Variants in LRIF1 observed in about 807,000 individuals in gnomAD.
The protein encoded by LRIF1 is ligand-dependent nuclear receptor-interacting factor 1.
LRIF1 carries 32 observed loss-of-function variants against 52.7 expected under a neutral mutation model. That is an observed-to-expected ratio of 0.61 (90% confidence interval 0.46 to 0.82). The LOEUF (loss-of-function observed/expected upper bound fraction) is 0.82, where lower values mean the gene tolerates loss of function less well. LRIF1 is among the 40% of genes least tolerant of loss of function. The probability of loss-of-function intolerance (pLI) is 0.00; values close to 1 mark genes in which losing one functional copy is unlikely to be tolerated. For missense variants in LRIF1, 887 were observed against 892.0 expected (o/e 0.99, Z 0.07); for synonymous variants, 323 against 317.4 (o/e 1.02, Z -0.19).
chr1:110,883,299 T>G, the LRIF1 span, among the ~76,000 whole-genome samples: 2 of 152,102 alleles, frequency 1.3e-5, no homozygotes, highest in East Asian at 3.9e-4. Flanking sequence ...AAATTTCCTG[T>G]ATCTATTGAG....
chr1:110,894,425 A>G, the LRIF1 span: 1 of 1,547,796 alleles, frequency 6.5e-7, no homozygotes, highest in Non-Finnish European at 8.9e-7. Flanking sequence ...ACAACAACTT[A>G]TTGTCTTAAT....
intron 1 of LRIF1, among the ~76,000 whole-genome samples, chr1:110,959,908 A>G (rs1195742332): frequency 3.3e-5 from 5 of 152,108 alleles, no homozygotes; most frequent in Non-Finnish European, 7.4e-5. Flanking sequence ...CATTTTATAG[A>G]TATTTTTGCA....
At chr1:110,901,335 G>C in the LRIF1 span, among the ~76,000 whole-genome samples, 1 of 151,790 alleles carries the variant, frequency 6.6e-6, no homozygotes. Flanking sequence ...ACGCCACCAC[G>C]CCTGGCTAAT....
chr1:110,907,061 A>C, the LRIF1 span, among the ~76,000 whole-genome samples: 1 of 152,210 alleles, frequency 6.6e-6, no homozygotes, highest in Non-Finnish European at 1.5e-5. Context: ...CTCTCAGCAT[A>C]TAACAACTCA....
chr1:110,934,668 G>A, the LRIF1 span, among the ~76,000 whole-genome samples: 1 of 152,220 alleles, frequency 6.6e-6, no homozygotes, highest in East Asian at 1.9e-4. Context: ...TGCTGGTTCA[G>A]TCACAGTATA....
the LRIF1 span, among the ~76,000 whole-genome samples, chr1:110,918,654 G>C: frequency 6.6e-6 from 1 of 152,088 alleles, no homozygotes; most frequent in African/African-American, 2.4e-5. Context: ...AAAACTCCAA[G>C]GCCAATTTTA....
chr1:110,898,011 A>G, the LRIF1 span: 1 of 532,532 alleles, frequency 1.9e-6, no homozygotes, highest in Non-Finnish European at 3.3e-6. Context: ...TTACTAATAT[A>G]TGAATTCCCC....
chr1:110,935,117 A>G, the LRIF1 span, among the ~76,000 whole-genome samples: 1 of 152,254 alleles, frequency 6.6e-6, no homozygotes, highest in Non-Finnish European at 1.5e-5. Flanking sequence ...CAAGAACCAC[A>G]GAATTACTGA....
intron 3 of LRIF1, among the ~76,000 whole-genome samples, chr1:110,948,779 T>G (rs1658326391): frequency 6.6e-6 from 1 of 152,204 alleles, no homozygotes; most frequent in South Asian, 2.1e-4. Flanking sequence ...TAGTCTCTGA[T>G]CTAAAGTTCA....
At chr1:110,879,521 TCA>T in the LRIF1 span, among the ~76,000 whole-genome samples, 32,555 of 152,164 alleles carry the variant, frequency 0.21, 4,295 homozygotes, top group Middle Eastern at 0.36. Context: ...TCTTAGAGAC[TCA>T]CAGTGCACAT....
chr1:110,917,229 T>A, the LRIF1 span, among the ~76,000 whole-genome samples: 2 of 152,318 alleles, frequency 1.3e-5, no homozygotes, highest in Non-Finnish European at 2.9e-5. Flanking sequence ...GGGGCTCGTG[T>A]GTCCTCATAG....
chr1:110,898,331 C>T, the LRIF1 span, among the ~76,000 whole-genome samples: 4 of 144,474 alleles, frequency 2.8e-5, no homozygotes, highest in South Asian at 2.2e-4. Flanking sequence ...GAGTCAAGAT[C>T]GTGCCACTGC....
At chr1:110,885,479 A>G in the LRIF1 span, among the ~76,000 whole-genome samples, 1 of 152,130 alleles carries the variant, frequency 6.6e-6, no homozygotes, top group Non-Finnish European at 1.5e-5. Context: ...CGGAGCTTGC[A>G]GTGAGCCGAG....
chr1:110,879,389 C>G, the LRIF1 span, among the ~76,000 whole-genome samples: 1 of 152,184 alleles, frequency 6.6e-6, no homozygotes, highest in Non-Finnish European at 1.5e-5. Context: ...CAAAACTAGA[C>G]CTGTCTGATT....
chr1:110,901,941 T>C, the LRIF1 span, among the ~76,000 whole-genome samples: 1 of 152,216 alleles, frequency 6.6e-6, no homozygotes, highest in Non-Finnish European at 1.5e-5. Context: ...CTAGGCTTTG[T>C]CTTTAACTCT....
the LRIF1 span, among the ~76,000 whole-genome samples, chr1:110,888,399 C>T: frequency 2.0e-5 from 3 of 152,182 alleles, no homozygotes; most frequent in Non-Finnish European, 4.4e-5. Flanking sequence ...CCTCTATGCT[C>T]CATGGTTTGG....
At chr1:110,959,207 G>A (rs1417001777) in intron 1 of LRIF1, among the ~76,000 whole-genome samples, 1 of 152,130 alleles carries the variant, frequency 6.6e-6, no homozygotes, top group Non-Finnish European at 1.5e-5. Context: ...CAGTTTAACA[G>A]TTTAAAAGAG....
chr1:110,952,851 T>C, intron 1 of LRIF1, 36 bp from the exon 2 acceptor site: 2 of 1,164,918 alleles, frequency 1.7e-6, no homozygotes, highest in Non-Finnish European at 2.4e-6. Context: ...TACAACATAC[T>C]ACATGGTATA....
the LRIF1 span, among the ~76,000 whole-genome samples, chr1:110,881,874 AT>A: frequency 6.6e-6 from 1 of 151,870 alleles, no homozygotes; most frequent in East Asian, 1.9e-4. Flanking sequence ...GAAGTAGAGA[AT>A]TTTTTTCATG....
Sources: gnomAD v4.1 joint callset for allele counts (sites outside exome capture counted in the v4.1 genomes callset) on GRCh38, gnomAD v4.1.1 for gene constraint, MANE v1.5 for transcripts, NCBI Gene and HGNC (gene_info 2026-07-23, HGNC 2026-07-21) for gene names.